NRXN3: variants seen among roughly 807,000 people sequenced by gnomAD.
The protein encoded by NRXN3 is neurexin 3, also known as neurexin III.
Under a neutral mutation model 137.6 loss-of-function variants are expected in NRXN3, and 32 were observed. The ratio of observed to expected loss-of-function variants is 0.23; its 90% CI spans 0.18 to 0.31. The LOEUF is 0.31. Among genes scored for constraint, NRXN3 ranks in the 10% least tolerant of loss-of-function variants. NRXN3 has a pLI of 1.00. For missense variants in NRXN3, 1,574 were observed against 2,062.5 expected, an observed-to-expected ratio of 0.76 and a Z score of 4.59; for synonymous variants, 798 against 784.5, an observed-to-expected ratio of 1.02 and a Z score of -0.29.
intron 4 of NRXN3, among the ~76,000 whole-genome samples, chr14:78,387,395 A>G (rs2090127730): frequency 6.6e-6 from 1 of 152,192 alleles, no homozygotes; most frequent in Admixed American, 6.5e-5. Context: ...AGAAGACGCT[A>G]TGTGACCTTG....
chr14:79,444,772 GAGTTATGATCACCACTGCAGTC>G (rs2096029482), intron 15 of NRXN3, among the ~76,000 whole-genome samples: 1 of 152,140 alleles, frequency 6.6e-6, no homozygotes, highest in Non-Finnish European at 1.5e-5. Flanking sequence ...AGACTGCAGT[GAGTTATGATCACCACTGCAGTC>G]CAACCTGGGT....
chr14:79,406,004 A>G (rs2095303699), intron 15 of NRXN3, among the ~76,000 whole-genome samples: 1 of 152,184 alleles, frequency 6.6e-6, no homozygotes, highest in East Asian at 1.9e-4. Context: ...GAACATGTCC[A>G]TGAACATTAA....
intron 16 of NRXN3, among the ~76,000 whole-genome samples, chr14:79,602,151 C>G (rs766440625): frequency 2.8e-4 from 42 of 152,326 alleles, no homozygotes; most frequent in Non-Finnish European, 5.0e-4. Flanking sequence ...AAGATAAGCA[C>G]AGTTGATTCT....
Position 79,372,599 on chromosome 14 carries a change from C to G in NRXN3, c.3263-94622C>G, listed in dbSNP as rs375664468. Among the ~76,000 whole-genome samples the G allele has an allele frequency of 5.3e-5, 8 of 152,238 alleles. No individual in the cohort carries two copies. The East Asian group carries it at 1.2e-3, about 22-fold the overall frequency. On this transcript the variant is annotated intron_variant, in intron 15 of 20. Coordinates refer to ENST00000335750, the MANE Select transcript of NRXN3 (RefSeq NM_001330195.2). The stretch of plus-strand genomic sequence containing the variant: ...TTAGAAAAAGATCAGAGATACCCCT[C>G]TCTTGATTGTCCATTTTCTTGATCA...
At chr14:79,682,148 G>T (rs2098673748) in intron 17 of NRXN3, among the ~76,000 whole-genome samples, 2 of 152,130 alleles carry the variant, frequency 1.3e-5, no homozygotes, top group South Asian at 4.2e-4. Context: ...TCTTATATTT[G>T]TATAGGGTAT....
intron 10 of NRXN3, among the ~76,000 whole-genome samples, chr14:78,901,136 G>A (rs1256514888): frequency 6.6e-6 from 1 of 151,876 alleles, no homozygotes; most frequent in Non-Finnish European, 1.5e-5. Context: ...CCTTTAAAAT[G>A]CCTTATTCAT....
intron 15 of NRXN3, among the ~76,000 whole-genome samples, chr14:79,435,921 A>G (rs2095840104): frequency 6.6e-6 from 1 of 152,130 alleles, no homozygotes; most frequent in South Asian, 2.1e-4. Flanking sequence ...GGCACGAACC[A>G]CCACACTTGG....
At chr14:79,173,888 G>A (rs2062037334) in intron 15 of NRXN3, among the ~76,000 whole-genome samples, 1 of 152,096 alleles carries the variant, frequency 6.6e-6, no homozygotes, top group South Asian at 2.1e-4. Context: ...AAAGAAAACA[G>A]GAAGGTGAAA....
At chr14:79,442,804 CTTT>C (rs1253365285) in intron 15 of NRXN3, among the ~76,000 whole-genome samples, 1 of 151,726 alleles carries the variant, frequency 6.6e-6, no homozygotes, top group Non-Finnish European at 1.5e-5. Flanking sequence ...TTTTTTGCTT[CTTT>C]ATTTTATCTT....
intron 4 of NRXN3, among the ~76,000 whole-genome samples, chr14:78,413,634 C>A (rs762657412): frequency 3.9e-5 from 6 of 152,180 alleles, no homozygotes; most frequent in Non-Finnish European, 5.9e-5. Flanking sequence ...TTGGGTGTAA[C>A]CTCCCAGATG....
chr14:78,651,785 C>CAG lies in NRXN3; in HGVS notation c.1221+459_1221+460insAG, dbSNP rs1329125385. ...TATCATGAGAACAGCATGGGAAAGA[C>CAG]CTGACCCCATGATTTAATTACCTCC... On this transcript the variant is annotated intron_variant, in intron 6 of 20. Coordinates refer to ENST00000335750, the MANE Select transcript of NRXN3 (RefSeq NM_001330195.2). 8.5e-3 allele frequency among the ~76,000 whole-genome samples: 1,296 copies of CAG among 152,266 alleles called. 22 individuals carry two copies. Among genetic ancestry groups the CAG allele is most frequent in the African/African-American group, 0.03 (1,245 of 41,550 alleles).
intron 19 of NRXN3, among the ~76,000 whole-genome samples, chr14:79,782,611 T>A (rs1359338386): frequency 1.3e-5 from 2 of 152,186 alleles, no homozygotes; most frequent in Admixed American, 1.3e-4. Flanking sequence ...ACAAATTTGG[T>A]ATATGATTTT....
chr14:78,562,338 A>G (rs1344931908), intron 4 of NRXN3, among the ~76,000 whole-genome samples: 1 of 147,428 alleles, frequency 6.8e-6, no homozygotes, highest in Non-Finnish European at 1.5e-5. Context: ...CGGAGGTTTC[A>G]GTGACCCAAG....
chr14:78,534,419 AAG>A (rs1405125955), intron 4 of NRXN3, among the ~76,000 whole-genome samples: 1 of 152,238 alleles, frequency 6.6e-6, no homozygotes, highest in African/African-American at 2.4e-5. Flanking sequence ...TGTATAAAAT[AAG>A]ATTTTAAAGA....
chr14:79,728,016 G>T (rs1057121785), intron 19 of NRXN3, among the ~76,000 whole-genome samples: 3 of 152,228 alleles, frequency 2.0e-5, no homozygotes, highest in Admixed American at 2.0e-4. Context: ...CTCTCAAATT[G>T]CTGGCCTCTA....
chr14:79,262,745 A>G (rs570873051), intron 15 of NRXN3, among the ~76,000 whole-genome samples: 6 of 152,320 alleles, frequency 3.9e-5, no homozygotes, highest in South Asian at 2.1e-4. Context: ...CAGGGCCTTC[A>G]AAGCAAAGAG....
intron 15 of NRXN3, among the ~76,000 whole-genome samples, chr14:79,344,898 T>C (rs959374660): frequency 2.6e-5 from 4 of 152,212 alleles, no homozygotes; most frequent in Non-Finnish European, 5.9e-5. Flanking sequence ...CTAAGATTTT[T>C]ATGGCTCAGA....
At chr14:79,597,275 C>A (rs998000651) in intron 16 of NRXN3, among the ~76,000 whole-genome samples, 1 of 152,122 alleles carries the variant, frequency 6.6e-6, no homozygotes, top group African/African-American at 2.4e-5. Flanking sequence ...TACTAAAAGT[C>A]CTTTGCCAAC....
intron 4 of NRXN3, among the ~76,000 whole-genome samples, chr14:78,529,523 G>A (rs548951610): frequency 1.4e-4 from 22 of 152,220 alleles, no homozygotes; most frequent in African/African-American, 5.1e-4. Flanking sequence ...GAAGTAACGT[G>A]AACCCCAATA....
Sources: allele counts gnomAD v4.1 joint callset (sites outside exome capture counted in the v4.1 genomes callset), GRCh38; gene constraint gnomAD v4.1.1; transcripts MANE v1.5; gene names NCBI Gene and HGNC (gene_info 2026-07-23, HGNC 2026-07-21).